Variants in BDH1 observed in about 807,000 individuals in gnomAD.
The protein encoded by BDH1 is D-beta-hydroxybutyrate dehydrogenase, mitochondrial.
A neutral mutation model predicts 33.1 loss-of-function variants in BDH1; 30 were observed. The ratio of observed to expected loss-of-function variants is 0.91; its 90% CI spans 0.68 to 1.23. The LOEUF is 1.23. Among genes scored for constraint, BDH1 ranks in the 50% most tolerant of loss-of-function variants. BDH1 has a pLI of 0.00. For synonymous variants in BDH1, 190 were observed against 183.6 expected, an observed-to-expected ratio of 1.03 and a Z score of -0.28; for missense variants, 443 against 464.4, an observed-to-expected ratio of 0.95 and a Z score of 0.42.
intron 1 of BDH1, among the ~76,000 whole-genome samples, chr3:197,566,173 G>A (rs1717425595): frequency 6.6e-6 from 1 of 152,166 alleles, no homozygotes; most frequent in Admixed American, 6.5e-5. Context: ...ACAGTTATTT[G>A]CATAAGTGCA....
chr3:197,531,435 A>ATATG (rs1553872400), intron 5 of BDH1, among the ~76,000 whole-genome samples: 10 of 146,010 alleles, frequency 6.8e-5, no homozygotes, highest in African/African-American at 2.5e-4. Context: ...ATATATATAT[A>ATATG]TGTGTATATA....
intron 3 of BDH1, among the ~76,000 whole-genome samples, chr3:197,536,220 G>C (rs772402676): frequency 6.6e-6 from 1 of 152,102 alleles, no homozygotes; most frequent in Non-Finnish European, 1.5e-5. Context: ...GTCAAAAATT[G>C]GTTGGGCATA....
chr3:197,522,580 G>C lies in BDH1; in HGVS notation c.409+60C>G. Reference sequence around the variant, plus strand: ...TGCCAGCCAGTGGAAGGTGGTGTTCGGCAAGTGCCCCTTGGAATGGCCCCA... The same window carrying C: ...TGCCAGCCAGTGGAAGGTGGTGTTCCGCAAGTGCCCCTTGGAATGGCCCCA... On this transcript the variant is annotated intron_variant, in intron 6 of 7. Transcript: ENST00000392379. The surrounding 1 kb of genome is among the most constrained non-coding windows in gnomAD (Gnocchi z 4.8). 1.3e-6 allele frequency: 2 copies of C among 1,599,540 alleles called. No homozygotes were observed. Among genetic ancestry groups the C allele is most frequent in the Admixed American group, 1.7e-5 (1 of 59,248 alleles).
chr3:197,535,702 C>T (rs74756421), intron 3 of BDH1, among the ~76,000 whole-genome samples: 3,996 of 152,250 alleles, frequency 0.026, 73 homozygotes, highest in Middle Eastern at 0.061. Flanking sequence ...AGTCTCAGAG[C>T]TCTTTGCCCC....
chr3:197,567,856 G>C (rs1006156190), intron 1 of BDH1, among the ~76,000 whole-genome samples: 6 of 152,154 alleles, frequency 3.9e-5, no homozygotes, highest in African/African-American at 1.4e-4. Context: ...GTTCTAATAA[G>C]GGTTCAGGAT....
intron 7 of BDH1, among the ~76,000 whole-genome samples, chr3:197,513,843 A>G (rs147483296): frequency 6.6e-6 from 1 of 152,338 alleles, no homozygotes; most frequent in African/African-American, 2.4e-5. Context: ...CTTGATTTTT[A>G]CTATTGTTCC....
chr3:197,523,750 G>A lies in BDH1; in HGVS notation c.268-969C>T, dbSNP rs13326190. 0.025 allele frequency among the ~76,000 whole-genome samples: 3,761 copies of A among 152,246 alleles called. 161 individuals are homozygous for A. Among genetic ancestry groups the A allele is most frequent in the African/African-American group, 0.085 (3,539 of 41,510 alleles). On this transcript the variant is annotated intron_variant, in intron 5 of 7. Coordinates refer to ENST00000392379, the MANE Select transcript of BDH1 (RefSeq NM_203314.3). The surrounding 1 kb of genome is among the most constrained non-coding windows in gnomAD (Gnocchi z 4.5). ...TGGAACCTGGCGGGAGGTGGGAGGG[G>A]CACAGGAGGGACGGGCAGGGGAGAC...
intron 2 of BDH1, among the ~76,000 whole-genome samples, chr3:197,553,092 A>T (rs1384657534): frequency 1.3e-5 from 2 of 151,946 alleles, no homozygotes; most frequent in Non-Finnish European, 2.9e-5. Context: ...TAATTTTTGT[A>T]TTTTTAGTAG....
At chr3:197,561,708 G>A (rs1717266588) in intron 1 of BDH1, among the ~76,000 whole-genome samples, 2 of 152,006 alleles carry the variant, frequency 1.3e-5, no homozygotes, top group African/African-American at 2.4e-5. Context: ...TCCAATCTGA[G>A]TGAGAATTCC....
Position 197,563,314 on chromosome 3 carries a change from T to G in BDH1, c.-44+9867A>C, listed in dbSNP as rs4507278. The stretch of plus-strand genomic sequence containing the variant: ...TGAGTTGTTTCCTTTAATATGCAAA[T>G]TTAAGACTATTAGCTGACAAGAAGA... On this transcript the variant is annotated intron_variant, in intron 1 of 6. Transcript: ENST00000358186. 8.5e-5 allele frequency among the ~76,000 whole-genome samples: 13 copies of G among 152,322 alleles called. No individual in the cohort carries two copies. In the East Asian group the frequency reaches 2.5e-3, roughly 29 times the overall value.
Position 197,523,248 on chromosome 3 carries a change from A to G in BDH1, c.268-467T>C, listed in dbSNP as rs1713750783. On this transcript the variant is annotated intron_variant, in intron 5 of 7. Coordinates refer to ENST00000392379, the MANE Select transcript of BDH1 (RefSeq NM_203314.3). This position sits in a 1 kb window ranked among gnomAD's most constrained non-coding sequence, Gnocchi z 4.5. The stretch of plus-strand genomic sequence containing the variant: ...AAAAAAAAAACAAAAAAACACTGTG[A>G]AGGCCAAAGCACGTCCACAGGCCAC... 6.5e-6 allele frequency: 1 copy of G among 154,868 alleles called. No homozygotes were observed. The highest frequency in any genetic ancestry group is 1.4e-5 in the Non-Finnish European group (1 of 70,076). The allele number at this position is 154,868 out of a possible 1,614,324, so 9.6% of individuals were successfully genotyped here. A position where few individuals can be genotyped will look rare whatever the true frequency, so the allele number is the denominator to read the frequency against.
Position 197,510,893 on chromosome 3 carries a change from C to A in BDH1, c.*1002G>T, listed in dbSNP as rs918560819. 11 of 152,202 alleles carry A rather than the reference C, an allele frequency of 7.2e-5. 1 individual carries two copies. The highest frequency in any genetic ancestry group is 1.0e-4 in the Non-Finnish European group (7 of 68,144). The allele number at this position is 152,202 out of a possible 1,614,324, so 9.4% of individuals were successfully genotyped here. A position where few individuals can be genotyped will look rare whatever the true frequency, so the allele number is the denominator to read the frequency against. ...ACCAGTAACAACTTATCCCCTTAGC[C>A]AGAGAGCACCTCCACACAAGTCTAT... is the stretch of plus-strand genomic sequence containing the variant. On this transcript the variant is annotated 3_prime_UTR_variant, in exon 8 of 8. Transcript: ENST00000392379.
Position 197,510,601 on chromosome 3 carries a change from T to TGG in BDH1, c.*1293_*1294insCC, listed in dbSNP as rs1711833296. Reference sequence around the variant, plus strand: ...ACGCTGAAGCCCTGCAGAACAGGGGTGTGTGTGTGTGTGTGTGTGTGTGTG... The same window carrying TGG: ...ACGCTGAAGCCCTGCAGAACAGGGGTGGGTGTGTGTGTGTGTGTGTGTGTGTG... On this transcript the variant is annotated 3_prime_UTR_variant, in exon 8 of 8. Coordinates refer to ENST00000392379, the MANE Select transcript of BDH1 (RefSeq NM_203314.3). The TGG allele has an allele frequency of 5.2e-5, 1 of 19,086 alleles. No individual in the cohort carries two copies. Among genetic ancestry groups the TGG allele is most frequent in the Non-Finnish European group, 1.2e-4 (1 of 8,550 alleles). 1.2% of individuals were successfully genotyped at this position (19,086 alleles called of 1,614,324 possible). A position where few individuals can be genotyped will look rare whatever the true frequency, so the allele number is the denominator to read the frequency against.
chr3:197,550,444 T>C (rs1324297633), intron 2 of BDH1, among the ~76,000 whole-genome samples: 1 of 152,174 alleles, frequency 6.6e-6, no homozygotes, highest in Non-Finnish European at 1.5e-5. Flanking sequence ...GCTCACCTGA[T>C]GTCCCCTCCT....
chr3:197,512,345 G>A lies in BDH1; in HGVS notation c.582C>T (p.Ser194=). 1 of 1,607,548 alleles carries A rather than the reference G, an allele frequency of 6.2e-7. No individual in the cohort carries two copies. Among genetic ancestry groups the A allele is most frequent in the Middle Eastern group, 1.7e-4 (1 of 6,058 alleles). Residue 194 remains serine, a synonymous_variant, in exon 8 of 8, where the codon AGC becomes AGT. Coordinates refer to ENST00000392379, the MANE Select transcript of BDH1 (RefSeq NM_203314.3). The part of the protein sequence containing the change: ...RRAKGRVVNI[S]SMLGRMANPA... ...GGTTGGCCATGCGGCCCAGCATGCT[G>A]CTGATATTGACGACGCGGCCTACAG...
intron 2 of BDH1, among the ~76,000 whole-genome samples, chr3:197,551,936 G>A (rs941487563): frequency 6.6e-6 from 1 of 152,066 alleles, no homozygotes; most frequent in African/African-American, 2.4e-5. Context: ...ACTAAACAAC[G>A]GAGTCTCAGG....
At chr3:197,527,302 T>C (rs867693942) in intron 5 of BDH1, among the ~76,000 whole-genome samples, 1 of 152,158 alleles carries the variant, frequency 6.6e-6, no homozygotes, top group African/African-American at 2.4e-5. Context: ...GGTGGTTTAT[T>C]TGGTCAAAAG....
In BDH1 at chr3:197,554,064, C is replaced by A. The variant is rs976231742; in HGVS notation, c.-44+498G>T. Among the ~76,000 whole-genome samples the A allele has an allele frequency of 6.6e-6, 1 of 152,194 alleles. No homozygotes were observed. Among genetic ancestry groups the A allele is most frequent in the Non-Finnish European group, 1.5e-5 (1 of 68,034 alleles). ...TACTTTTCTCCTCTACTCATTCAACCGTTTGCTACACCATCCCTCAACAAG... is the reference window on the plus strand; with the variant it reads ...TACTTTTCTCCTCTACTCATTCAACAGTTTGCTACACCATCCCTCAACAAG... On this transcript the variant is annotated intron_variant, in intron 2 of 7. Transcript: ENST00000392379. This position sits in a 1 kb window ranked among gnomAD's most constrained non-coding sequence, Gnocchi z 4.4.
Position 197,512,021 on chromosome 3 carries a change from G to C in BDH1, c.906C>G (p.Val302=), listed in dbSNP as rs1319125902. 1 of 1,614,034 alleles carries C rather than the reference G, an allele frequency of 6.2e-7. No individual in the cohort carries two copies. The highest frequency in any genetic ancestry group is 8.5e-7 in the Non-Finnish European group (1 of 1,180,042). The change falls in exon 8 of 8, where the codon GTC becomes GTG. Residue 302 remains valine (V), a synonymous_variant. Transcript: ENST00000392379. ...GGGTGGTGGCGGTCAGGGCGTGTGTGACAGCATCGATGACAGGGGACGTGT... is the reference window on the plus strand; with the variant it reads ...GGGTGGTGGCGGTCAGGGCGTGTGTCACAGCATCGATGACAGGGGACGTGT... ...STDTSPVIDA[V]THALTATTPY... is the part of the protein sequence containing the mutation.
Sources: allele counts gnomAD v4.1 joint callset (sites outside exome capture counted in the v4.1 genomes callset), GRCh38; gene constraint gnomAD v4.1.1; non-coding constraint Gnocchi (gnomAD v3.1); transcripts MANE v1.5; gene names NCBI Gene and HGNC (gene_info 2026-07-23, HGNC 2026-07-21).